FAM13A: variants seen among roughly 807,000 people sequenced by gnomAD.
The protein encoded by FAM13A is protein FAM13A.
A neutral mutation model predicts 129.6 loss-of-function variants in FAM13A; 76 were observed. The ratio of observed to expected loss-of-function variants is 0.59; its 90% confidence interval spans 0.49 to 0.71. The LOEUF (loss-of-function observed/expected upper bound fraction) is 0.71, where lower values mean the gene tolerates loss of function less well. Among genes scored for constraint, FAM13A ranks in the 30% least tolerant of loss-of-function variants. The pLI, the probability that FAM13A is intolerant of heterozygous loss-of-function variation, is 0.00. For synonymous variants in FAM13A, 443 were observed against 449.9 expected (o/e 0.98, Z 0.20); for missense variants, 1,108 against 1,249.3 (o/e 0.89, Z 1.70).
At chr4:88,911,516 A>G (rs1749085125) in intron 5 of FAM13A, among the ~76,000 whole-genome samples, 1 of 152,176 alleles carries the variant, frequency 6.6e-6, no homozygotes, top group South Asian at 2.1e-4. Flanking sequence ...CTTTGGAAAA[A>G]CAGAAACATC....
At chr4:88,840,060 A>G (rs1448818207) in intron 7 of FAM13A, among the ~76,000 whole-genome samples, 2 of 152,252 alleles carry the variant, frequency 1.3e-5, no homozygotes, top group Admixed American at 6.5e-5. Flanking sequence ...AGTCTCGAAA[A>G]GAAGAAAGCT....
intron 4 of FAM13A, among the ~76,000 whole-genome samples, chr4:88,960,521 T>C (rs772129542): frequency 2.0e-5 from 3 of 152,102 alleles, no homozygotes; most frequent in Admixed American, 6.6e-5. Flanking sequence ...AAAGAGAAAA[T>C]ACACAAAAGT....
At chr4:88,750,271 A>G (rs916881332) in intron 15 of FAM13A, among the ~76,000 whole-genome samples, 153 bp downstream of exon 15, 1 of 152,170 alleles carries the variant, frequency 6.6e-6, no homozygotes, top group African/African-American at 2.4e-5. Context: ...GGAAACTACA[A>G]CATGGCCTGT....
intron 4 of FAM13A, among the ~76,000 whole-genome samples, chr4:88,970,088 T>C (rs1490155620): frequency 6.6e-6 from 1 of 152,232 alleles, no homozygotes; most frequent in East Asian, 1.9e-4. Flanking sequence ...AATAAATATC[T>C]GCTGAATGTA....
intron 1 of FAM13A, among the ~76,000 whole-genome samples, chr4:89,046,036 A>T (rs890618284): frequency 6.6e-6 from 1 of 151,406 alleles, no homozygotes; most frequent in African/African-American, 2.4e-5. Flanking sequence ...AAAAAAAAAA[A>T]AAAGAAAAAA....
intron 5 of FAM13A, among the ~76,000 whole-genome samples, chr4:88,932,894 A>G (rs1161481899): frequency 6.6e-6 from 1 of 152,208 alleles, no homozygotes; most frequent in Non-Finnish European, 1.5e-5. Flanking sequence ...AAAGTCATAT[A>G]AGAAAATCAA....
intron 5 of FAM13A, among the ~76,000 whole-genome samples, chr4:88,927,560 G>A (rs1579320075): frequency 6.6e-6 from 1 of 151,084 alleles, no homozygotes; most frequent in African/African-American, 2.4e-5. Flanking sequence ...CTGTTCAGGA[G>A]TGCTATCTAT....
intron 5 of FAM13A, among the ~76,000 whole-genome samples, chr4:88,908,511 A>C (rs1046278687): frequency 6.6e-6 from 1 of 152,174 alleles, no homozygotes; most frequent in Non-Finnish European, 1.5e-5. Flanking sequence ...TTATGCAAAA[A>C]ACAGAAGTGA....
intron 6 of FAM13A, among the ~76,000 whole-genome samples, chr4:88,891,302 T>C (rs1346034072): frequency 1.3e-5 from 2 of 152,140 alleles, no homozygotes; most frequent in African/African-American, 4.8e-5. Context: ...CACATGCCTA[T>C]AGTTCCAGCT....
chr4:88,933,504 A>G (rs1454776930), intron 5 of FAM13A, among the ~76,000 whole-genome samples: 1 of 151,946 alleles, frequency 6.6e-6, no homozygotes, highest in Admixed American at 6.6e-5. Context: ...CATAAACCCA[A>G]TCTAAGCCTT....
intron 5 of FAM13A, among the ~76,000 whole-genome samples, chr4:88,908,335 C>T (rs1748499269): frequency 6.6e-6 from 1 of 152,196 alleles, no homozygotes; most frequent in South Asian, 2.1e-4. Context: ...GCTTGGATAA[C>T]ACAATTATGC....
At chr4:89,025,245 GTTTTTTTTTTTTTTTTT>G (rs56710705) in intron 2 of FAM13A, among the ~76,000 whole-genome samples, 24 of 61,372 alleles carry the variant, frequency 3.9e-4, no homozygotes, top group East Asian at 2.9e-3. Context: ...TGGAATCATT[GTTTTTTTTTTTTTTTTT>G]TTTTTTTTTT....
At chr4:88,918,380 C>T (rs1380965262) in intron 5 of FAM13A, among the ~76,000 whole-genome samples, 3 of 152,088 alleles carry the variant, frequency 2.0e-5, no homozygotes, top group Non-Finnish European at 1.5e-5. Context: ...CTTTATTATC[C>T]AAATTTCATA....
chr4:88,897,574 C>A (rs557307661), intron 6 of FAM13A, among the ~76,000 whole-genome samples: 1 of 152,160 alleles, frequency 6.6e-6, no homozygotes, highest in Admixed American at 6.5e-5. Flanking sequence ...CATCTCTAGC[C>A]CATATAGGGA....
intron 5 of FAM13A, among the ~76,000 whole-genome samples, chr4:88,929,105 C>T (rs530333693): frequency 1.6e-4 from 25 of 152,078 alleles, no homozygotes; most frequent in Admixed American, 1.0e-3. Flanking sequence ...TGAGCATTTG[C>T]TTGTCTAATA....
chr4:88,927,529 A>G (rs1357784416), intron 5 of FAM13A, among the ~76,000 whole-genome samples: 1 of 147,178 alleles, frequency 6.8e-6, no homozygotes, highest in East Asian at 2.0e-4. Flanking sequence ...TACTGATTCA[A>G]TTTTTCTACT....
At chr4:89,035,720 G>GTTGTTTAAAAGTATGTAGCACCTCCTCC (rs1769299195) in intron 1 of FAM13A, among the ~76,000 whole-genome samples, 5 of 152,106 alleles carry the variant, frequency 3.3e-5, no homozygotes, top group Admixed American at 1.3e-4. Context: ...ACAAGATCGG[G>GTTGTTTAAAAGTATGTAGCACCTCCTCC]TTGTTTAAAA....
At chr4:88,920,767 A>C (rs1180650244) in intron 5 of FAM13A, among the ~76,000 whole-genome samples, 1 of 152,214 alleles carries the variant, frequency 6.6e-6, no homozygotes, top group Non-Finnish European at 1.5e-5. Context: ...TACAGGAGGA[A>C]ATTCAAACCA....
chr4:89,020,280 C>CCTTTTTTTTTT (rs1560827786), intron 3 of FAM13A, among the ~76,000 whole-genome samples, 180 bp downstream of exon 3: 1 of 124,736 alleles, frequency 8.0e-6, no homozygotes, highest in Non-Finnish European at 1.6e-5. Flanking sequence ...TTTTTCTGCC[C>CCTTTTTTTTTT]TTTTTTTTTT....
Sources: allele counts gnomAD v4.1 joint callset (sites outside exome capture counted in the v4.1 genomes callset), GRCh38; gene constraint gnomAD v4.1.1; transcripts MANE v1.5; gene names NCBI Gene and HGNC (gene_info 2026-07-23, HGNC 2026-07-21).